ELAVL2: variants seen among roughly 807,000 people sequenced by gnomAD.
ELAVL2 encodes ELAV like RNA binding protein 2.
ELAVL2 carries 4 observed loss-of-function variants against 34.6 expected under a neutral mutation model. That is an observed-to-expected ratio of 0.12 (90% CI 0.06 to 0.26). ELAVL2 has a LOEUF of 0.26. Among genes scored for constraint, ELAVL2 ranks in the 10% least tolerant of loss-of-function variants. The probability of loss-of-function intolerance (pLI) is 1.00; values close to 1 mark genes in which losing one functional copy is unlikely to be tolerated. For missense variants in ELAVL2, 432 were observed against 442.8 expected, an observed-to-expected ratio of 0.98 and a Z score of 0.22; for synonymous variants, 193 against 154.8, an observed-to-expected ratio of 1.25 and a Z score of -1.83.
chr9:23,807,963 T>C (rs1455172326), intron 1 of ELAVL2, among the ~76,000 whole-genome samples: 1 of 152,162 alleles, frequency 6.6e-6, no homozygotes, highest in Non-Finnish European at 1.5e-5. Flanking sequence ...TACGTTGTCC[T>C]GCAAAGAACA....
At chr9:23,693,423 G>T (rs1012452033) in intron 6 of ELAVL2, 25 bp downstream of exon 6, 4 of 1,613,648 alleles carry the variant, frequency 2.5e-6, no homozygotes, top group Non-Finnish European at 3.4e-6. Context: ...AAGGGATTAT[G>T]AGTATCATGA....
chr9:23,798,821 G>A (rs1426645149), intron 1 of ELAVL2, among the ~76,000 whole-genome samples: 2 of 152,048 alleles, frequency 1.3e-5, no homozygotes, highest in Admixed American at 6.6e-5. Flanking sequence ...AGGCACACGT[G>A]TAATTAAATT....
intron 3 of ELAVL2, among the ~76,000 whole-genome samples, chr9:23,723,019 A>G (rs1423487550): frequency 6.6e-6 from 1 of 152,186 alleles, no homozygotes; most frequent in Non-Finnish European, 1.5e-5. Flanking sequence ...CCCCTTAAAA[A>G]GCAGTGGGAA....
intron 1 of ELAVL2, among the ~76,000 whole-genome samples, chr9:23,799,478 C>T (rs2061340107): frequency 6.6e-6 from 1 of 152,222 alleles, no homozygotes; most frequent in South Asian, 2.1e-4. Flanking sequence ...TACTCCACCC[C>T]ACCACGTGAG....
At chr9:23,784,199 A>C (rs2136948461) in intron 1 of ELAVL2, among the ~76,000 whole-genome samples, 1 of 151,556 alleles carries the variant, frequency 6.6e-6, no homozygotes, top group South Asian at 2.1e-4. Context: ...ACTCCGTCTC[A>C]AAAAACAAAA....
chr9:23,784,591 C>T (rs551390401), intron 1 of ELAVL2, among the ~76,000 whole-genome samples: 110 of 152,248 alleles, frequency 7.2e-4, no homozygotes, highest in African/African-American at 2.6e-3. Context: ...ATGTGGAACC[C>T]AGCAGGCAGA....
At chr9:23,701,650 A>C (rs773786636) in intron 4 of ELAVL2, 46 bp from the exon 5 acceptor site, 1 of 1,587,370 alleles carries the variant, frequency 6.3e-7, no homozygotes, top group Non-Finnish European at 8.6e-7. Flanking sequence ...GAACAGAAGG[A>C]GAAGGGAAGG....
chr9:23,771,277 CAAAA>C (rs1305844021), intron 1 of ELAVL2, among the ~76,000 whole-genome samples: 1 of 152,070 alleles, frequency 6.6e-6, no homozygotes, highest in Non-Finnish European at 1.5e-5. Flanking sequence ...AATCCATTGT[CAAAA>C]AACTGGTTTA....
chr9:23,732,490 T>C (rs781179682), intron 2 of ELAVL2, among the ~76,000 whole-genome samples: 5 of 152,310 alleles, frequency 3.3e-5, no homozygotes, highest in Non-Finnish European at 7.4e-5. Flanking sequence ...ACACTAAAAT[T>C]GAGGTTTTAT....
chr9:23,795,478 G>C (rs1289147938), intron 1 of ELAVL2, among the ~76,000 whole-genome samples: 2 of 152,144 alleles, frequency 1.3e-5, no homozygotes, highest in African/African-American at 4.8e-5. Flanking sequence ...GGGAGGCGGA[G>C]GCTGCAGTGA....
intron 1 of ELAVL2, among the ~76,000 whole-genome samples, chr9:23,796,798 C>T (rs976303281): frequency 6.6e-6 from 1 of 152,142 alleles, no homozygotes; most frequent in African/African-American, 2.4e-5. Context: ...AGAACAATTG[C>T]CCTTGCCCTT....
chr9:23,755,799 G>T (rs1288496258), intron 2 of ELAVL2, among the ~76,000 whole-genome samples: 3 of 152,070 alleles, frequency 2.0e-5, no homozygotes, highest in Non-Finnish European at 4.4e-5. Flanking sequence ...GCAAAGTGAG[G>T]TGTTTATTAA....
the ELAVL2 span, among the ~76,000 whole-genome samples, chr9:23,841,132 C>G: frequency 6.6e-6 from 1 of 152,030 alleles, no homozygotes; most frequent in Non-Finnish European, 1.5e-5. Flanking sequence ...GAGATATGTC[C>G]TAGTAGATCT....
chr9:23,783,075 T>A (rs1385915068), intron 1 of ELAVL2, among the ~76,000 whole-genome samples: 1 of 152,210 alleles, frequency 6.6e-6, no homozygotes, highest in Admixed American at 6.5e-5. Context: ...TCATTTTCTA[T>A]GCATCCAACA....
At chr9:23,775,163 A>C (rs1260380151) in intron 1 of ELAVL2, among the ~76,000 whole-genome samples, 1 of 152,246 alleles carries the variant, frequency 6.6e-6, no homozygotes, top group Non-Finnish European at 1.5e-5. Context: ...CCTACAACTA[A>C]AAGTAAAAAT....
rs1423069779 is a variant in ELAVL2, at chr9:23,793,163, A to T, written c.-15-30914T>A. On this transcript the variant is annotated intron_variant, in intron 1 of 6. Transcript: ENST00000397312. The stretch of plus-strand genomic sequence containing the variant: ...CCTTTCTAAATGGCAGCTGGAAGAA[A>T]GAAGTTCTGAAGAACATTACACAAT... Among the ~76,000 whole-genome samples the T allele has an allele frequency of 2.6e-5, 4 of 152,204 alleles. No homozygotes were observed. The South Asian group carries it at 8.3e-4, about 32-fold the overall frequency.
intron 1 of ELAVL2, chr9:23,779,415 T>G (rs1211380648): frequency 3.0e-6 from 3 of 985,176 alleles, no homozygotes; most frequent in Non-Finnish European, 2.4e-6. Flanking sequence ...AGCACAGCAA[T>G]GGAAGATCTG....
At chr9:23,812,000 C>T (rs2063074662) in intron 1 of ELAVL2, among the ~76,000 whole-genome samples, 1 of 152,102 alleles carries the variant, frequency 6.6e-6, no homozygotes, top group Admixed American at 6.6e-5. Context: ...AGTCCTGTCC[C>T]TAAAGCAATA....
rs151152726 is a variant in ELAVL2 at position 23,733,249 on chromosome 9, T to C, written c.230-2124A>G. 7.7e-3 allele frequency among the ~76,000 whole-genome samples: 1,168 copies of C among 151,250 alleles called. 22 individuals are homozygous for C. The highest frequency in any genetic ancestry group is 0.027 in the African/African-American group (1,119 of 41,192). On this transcript the variant is annotated intron_variant, in intron 2 of 6. Transcript: ENST00000397312. ...ACTCCCAAAAATAGATAGATATATATACATATATGTGTGTTTGTGTCTGTA... is the reference window on the plus strand; with the variant it reads ...ACTCCCAAAAATAGATAGATATATACACATATATGTGTGTTTGTGTCTGTA...
Sources: allele counts gnomAD v4.1 joint callset (sites outside exome capture counted in the v4.1 genomes callset), GRCh38; gene constraint gnomAD v4.1.1; transcripts MANE v1.5; gene names NCBI Gene and HGNC (gene_info 2026-07-23, HGNC 2026-07-21).